FLT1: variants seen among roughly 807,000 people sequenced by gnomAD.
FLT1 encodes the protein vascular endothelial growth factor receptor 1.
In FLT1, 49 loss-of-function variants were observed where a neutral mutation model predicts 156.3. The ratio of observed to expected loss-of-function variants is 0.31; its 90% CI spans 0.25 to 0.40. The LOEUF (loss-of-function observed/expected upper bound fraction) is 0.40, where lower values mean the gene tolerates loss of function less well. Among genes scored for constraint, FLT1 ranks in the 10% least tolerant of loss-of-function variants. The pLI is 1.00. For missense variants in FLT1, 1,322 were observed against 1,637.2 expected, an observed-to-expected ratio of 0.81 and a Z score of 3.32; for synonymous variants, 594 against 583.8, an observed-to-expected ratio of 1.02 and a Z score of -0.25.
At chr13:28,443,995 G>A (rs1241992181) in intron 3 of FLT1, among the ~76,000 whole-genome samples, 1 of 152,186 alleles carries the variant, frequency 6.6e-6, no homozygotes, top group African/African-American at 2.4e-5. Flanking sequence ...ATAATATTAA[G>A]AGGGTCAATC....
Position 28,301,966 on chromosome 13 carries a change from T to C in FLT1, c.*1201A>G, listed in dbSNP as rs1315459598. 8.6e-6 allele frequency: 2 copies of C among 233,564 alleles called. No individual in the cohort carries two copies. Among genetic ancestry groups the C allele is most frequent in the Non-Finnish European group, 1.7e-5 (2 of 118,024 alleles). 14.5% of individuals were successfully genotyped at this position (233,564 alleles called of 1,614,324 possible). A position where few individuals can be genotyped will look rare whatever the true frequency, so the allele number is the denominator to read the frequency against. On this transcript the variant is annotated 3_prime_UTR_variant, in exon 30 of 30. Transcript: ENST00000282397. ...AATGCTCTTCCACATCCTTTCAGAT[T>C]AGTGTGAGATAGTGGAATCCCCATT...
intron 8 of FLT1, among the ~76,000 whole-genome samples, chr13:28,428,368 A>G (rs562727490): frequency 6.6e-6 from 1 of 152,232 alleles, no homozygotes; most frequent in East Asian, 1.9e-4. Context: ...TCTCATGTGG[A>G]GTTCTTATTA....
chr13:28,434,658 G>A (rs536226873), intron 4 of FLT1, among the ~76,000 whole-genome samples: 230 of 152,276 alleles, frequency 1.5e-3, no homozygotes, highest in Non-Finnish European at 2.8e-3. Flanking sequence ...CGAGGTGGGC[G>A]GATCACCTGA....
At chr13:28,354,483 A>T (rs1400646922) in intron 15 of FLT1, among the ~76,000 whole-genome samples, 2 of 152,170 alleles carry the variant, frequency 1.3e-5, no homozygotes, top group Admixed American at 6.5e-5. Flanking sequence ...TATTTCAAGA[A>T]AACAATCTTG....
chr13:28,388,983 G>A lies in FLT1; in HGVS notation c.1969+813C>T, dbSNP rs371816656. 130 of 1,064,760 alleles carry A rather than the reference G, an allele frequency of 1.2e-4. No individual in the cohort carries two copies. The East Asian group carries it at 5.1e-3, about 42-fold the overall frequency. 66.0% of individuals were successfully genotyped at this position (1,064,760 alleles called of 1,614,324 possible). Reference sequence around the variant, plus strand: ...AGGCTAGTCTACTGTGGCACTAACTGCATAATTACCTGGATCGCATGAGAG... The same window carrying A: ...AGGCTAGTCTACTGTGGCACTAACTACATAATTACCTGGATCGCATGAGAG... On this transcript the variant is annotated intron_variant, in intron 13 of 29. Transcript: ENST00000282397.
chr13:28,450,770 T>G lies in FLT1; in HGVS notation c.389-12425A>C, dbSNP rs1878884466. On this transcript the variant is annotated intron_variant, in intron 3 of 29. Coordinates refer to ENST00000282397, the MANE Select transcript of FLT1 (RefSeq NM_002019.4). ...CCTATCATGTTACAGATGAGAAAAC[T>G]GAGGCCCAGAGAGGAGAGACTGTCC... Among the ~76,000 whole-genome samples, 3 of 152,158 alleles carry G rather than the reference T, an allele frequency of 2.0e-5. No homozygotes were observed. In the South Asian group the frequency reaches 6.2e-4, roughly 31 times the overall value.
intron 11 of FLT1, among the ~76,000 whole-genome samples, chr13:28,399,364 A>T (rs1010935446): frequency 6.6e-6 from 1 of 152,194 alleles, no homozygotes; most frequent in Non-Finnish European, 1.5e-5. Flanking sequence ...TAAGTAAGTG[A>T]AAAACCCATT....
intron 10 of FLT1, among the ~76,000 whole-genome samples, chr13:28,414,184 T>C (rs1876506136): frequency 6.6e-6 from 1 of 152,198 alleles, no homozygotes; most frequent in Middle Eastern, 3.2e-3. Context: ...TTCTCTTGGA[T>C]CTCAGTTCTC....
At chr13:28,421,492 C>T (rs966258043) in intron 10 of FLT1, among the ~76,000 whole-genome samples, 4 of 152,116 alleles carry the variant, frequency 2.6e-5, no homozygotes, top group Admixed American at 6.6e-5. Context: ...GTTGGCACTG[C>T]GGAAAATACG....
At chr13:28,326,628 C>T (rs1245590689) in intron 20 of FLT1, among the ~76,000 whole-genome samples, 1 of 149,340 alleles carries the variant, frequency 6.7e-6, no homozygotes, top group Non-Finnish European at 1.5e-5. Flanking sequence ...CAGGCTCAAG[C>T]GATTCTCCTG....
At position 28,345,445 on chromosome 13, in the gene FLT1, C is replaced by A; in HGVS notation, c.2355G>T (p.Arg785Ser). ...LLTLFIRKMK[R>S]SSSEIKTDYL... Reference sequence around the variant, plus strand: ...CATAGAACATCACCTATGTTCTTACCCTTTTCATTTTTCGGATAAAGAGGG... The same window carrying A: ...CATAGAACATCACCTATGTTCTTACACTTTTCATTTTTCGGATAAAGAGGG... Residue 785 changes from arginine to serine, a missense_variant and splice_region_variant, in exon 16 of 30, where the codon AGG (arginine) becomes AGT (serine). Coordinates refer to ENST00000282397, the MANE Select transcript of FLT1 (RefSeq NM_002019.4). The A allele has an allele frequency of 6.3e-7, 1 of 1,584,736 alleles. No individual in the cohort carries two copies. The highest frequency in any genetic ancestry group is 2.2e-5 in the East Asian group (1 of 44,714).
chr13:28,446,878 C>A (rs1460786784), intron 3 of FLT1, among the ~76,000 whole-genome samples: 1 of 152,126 alleles, frequency 6.6e-6, no homozygotes, highest in Admixed American at 6.5e-5. Context: ...GAAGACCGCA[C>A]TCCACATTTC....
At chr13:28,436,092 C>T (rs183007009) in intron 4 of FLT1, among the ~76,000 whole-genome samples, 3 of 152,360 alleles carry the variant, frequency 2.0e-5, no homozygotes, top group South Asian at 2.1e-4. Context: ...CTATCCATTA[C>T]GGCTGTTAGT....
chr13:28,321,394 T>C (rs1871454754), intron 23 of FLT1, 69 bp downstream of exon 23: 21 of 1,571,064 alleles, frequency 1.3e-5, no homozygotes, highest in Non-Finnish European at 1.8e-5. Flanking sequence ...GAAGTGTAAA[T>C]ATTTACCAAG....
rs1876326892 is a variant in FLT1, at chr13:28,412,385, T to TTCTTTCTTTCCTTCTTTCTTTCC, written c.1437-6492_1437-6491insGGAAAGAAAGAAGGAAAGAAAGA. Among the ~76,000 whole-genome samples, 5 of 84,940 alleles carry TTCTTTCTTTCCTTCTTTCTTTCC rather than the reference T, an allele frequency of 5.9e-5. 1 individual carries two copies. Among genetic ancestry groups the TTCTTTCTTTCCTTCTTTCTTTCC allele is most frequent in the African/African-American group, 1.9e-4 (5 of 26,744 alleles). 55.7% of individuals were successfully genotyped at this position (84,940 alleles called of 152,430 possible). A position where few individuals can be genotyped will look rare whatever the true frequency, so the allele number is the denominator to read the frequency against. On this transcript the variant is annotated intron_variant, in intron 10 of 29. Transcript: ENST00000282397. ...CTTTCTTTCTTTCTTTCTTTCTTTC[T>TTCTTTCTTTCCTTCTTTCTTTCC]TTCTTTCTTTCTTTCTTTCTTTCTT... is the stretch of plus-strand genomic sequence containing the variant.
chr13:28,319,312 T>C (rs1871341222), intron 24 of FLT1, 111 bp downstream of exon 24: 1 of 742,304 alleles, frequency 1.3e-6, no homozygotes, highest in Non-Finnish European at 2.4e-6. Flanking sequence ...CTTTAAGAGT[T>C]TTTTGTTACA....
chr13:28,301,463 T>G lies in FLT1; in HGVS notation c.*1704A>C, dbSNP rs1870513586. The G allele has an allele frequency of 4.3e-6, 1 of 233,022 alleles. No individual in the cohort carries two copies. The highest frequency in any genetic ancestry group is 1.8e-4 in the South Asian group (1 of 5,532). 14.4% of individuals were successfully genotyped at this position (233,022 alleles called of 1,614,324 possible). A position where few individuals can be genotyped will look rare whatever the true frequency, so the allele number is the denominator to read the frequency against. On this transcript the variant is annotated 3_prime_UTR_variant, in exon 30 of 30. Transcript: ENST00000282397. Reference sequence around the variant, plus strand: ...GGAATGTGCTGATGACGGTCCCATCTCTTCATACAGAGAGCCTTTAAACAA... The same window carrying G: ...GGAATGTGCTGATGACGGTCCCATCGCTTCATACAGAGAGCCTTTAAACAA...
intron 18 of FLT1, among the ~76,000 whole-genome samples, chr13:28,332,407 C>T (rs1871965825): frequency 6.6e-6 from 1 of 152,036 alleles, no homozygotes; most frequent in South Asian, 2.1e-4. Flanking sequence ...AGCTGCCTCT[C>T]CTAGAGGACA....
intron 1 of FLT1, among the ~76,000 whole-genome samples, chr13:28,490,991 C>A (rs996433912): frequency 6.6e-6 from 1 of 152,210 alleles, no homozygotes; most frequent in African/African-American, 2.4e-5. Context: ...CACCCACATA[C>A]ACATATCAGT....
Sources: allele counts gnomAD v4.1 joint callset (sites outside exome capture counted in the v4.1 genomes callset), GRCh38; gene constraint gnomAD v4.1.1; transcripts MANE v1.5; gene names NCBI Gene and HGNC (gene_info 2026-07-23, HGNC 2026-07-21).